Variants in ST7 observed in about 807,000 individuals in gnomAD.
ST7 encodes the protein suppression of tumorigenicity 7.
Under a neutral mutation model 78.7 loss-of-function variants are expected in ST7, and 28 were observed. The observed-to-expected ratio is 0.36, with a 90% CI of 0.26 to 0.49. ST7 has a LOEUF of 0.49. Among genes scored for constraint, ST7 ranks in the 20% least tolerant of loss-of-function variants. The pLI, the probability that ST7 is intolerant of heterozygous loss-of-function variation, is 0.99. For synonymous variants in ST7, 247 were observed against 249.6 expected, an observed-to-expected ratio of 0.99 and a Z score of 0.10; for missense variants, 418 against 696.0, an observed-to-expected ratio of 0.60 and a Z score of 4.49.
chr7:117,204,980 A>G (rs991721547), intron 12 of ST7, among the ~76,000 whole-genome samples: 1 of 152,176 alleles, frequency 6.6e-6, no homozygotes, highest in Non-Finnish European at 1.5e-5. Flanking sequence ...AGGCAGGAGG[A>G]TCGCTTGAGC....
intron 1 of ST7, among the ~76,000 whole-genome samples, chr7:116,985,604 CAT>C (rs770703459): frequency 6.6e-6 from 1 of 152,156 alleles, no homozygotes. Flanking sequence ...AGAGATGAGA[CAT>C]AGTCCCTTCT....
intron 1 of ST7, among the ~76,000 whole-genome samples, chr7:117,083,734 A>G (rs1011038947): frequency 1.2e-4 from 18 of 152,308 alleles, no homozygotes; most frequent in African/African-American, 3.8e-4. Context: ...TATGTAATGA[A>G]GCATATTCTC....
At chr7:117,109,504 A>G (rs1440572724) in intron 2 of ST7, among the ~76,000 whole-genome samples, 3 of 152,192 alleles carry the variant, frequency 2.0e-5, no homozygotes, top group Non-Finnish European at 4.4e-5. Context: ...ACCATCCTAA[A>G]TTAAACTAGG....
At chr7:117,198,888 CCTGT>C (rs1291604788) in intron 12 of ST7, among the ~76,000 whole-genome samples, 2 of 152,106 alleles carry the variant, frequency 1.3e-5, no homozygotes, top group African/African-American at 4.8e-5. Flanking sequence ...CTCATATTTC[CCTGT>C]CTGAGTAATC....
At chr7:117,026,940 A>G (rs1458240676) in intron 1 of ST7, among the ~76,000 whole-genome samples, 2 of 152,216 alleles carry the variant, frequency 1.3e-5, no homozygotes, top group Non-Finnish European at 2.9e-5. Flanking sequence ...TATGAAACTA[A>G]TGAAATGTGA....
At chr7:117,111,365 T>C (rs1212307947) in intron 2 of ST7, among the ~76,000 whole-genome samples, 2 of 152,142 alleles carry the variant, frequency 1.3e-5, no homozygotes, top group East Asian at 3.9e-4. Context: ...AAATTGATTA[T>C]TTGGGGGCCT....
intron 12 of ST7, among the ~76,000 whole-genome samples, chr7:117,201,961 C>CTTTT (rs1278924099): frequency 1.4e-5 from 1 of 70,960 alleles, no homozygotes; most frequent in Non-Finnish European, 2.7e-5. Flanking sequence ...TCGAAGCTAT[C>CTTTT]TTTTTTTTTT....
At chr7:117,055,543 C>T (rs996892480) in intron 1 of ST7, among the ~76,000 whole-genome samples, 3 of 152,154 alleles carry the variant, frequency 2.0e-5, no homozygotes, top group Admixed American at 6.5e-5. Context: ...CTAGATTGTA[C>T]AACTTCTCTT....
At chr7:117,025,849 T>C (rs1382001931) in intron 1 of ST7, among the ~76,000 whole-genome samples, 1 of 152,232 alleles carries the variant, frequency 6.6e-6, no homozygotes, top group African/African-American at 2.4e-5. Context: ...CAAGATAATA[T>C]TTTAAAGTAA....
intron 1 of ST7, among the ~76,000 whole-genome samples, chr7:116,979,662 A>G (rs930944160): frequency 2.0e-5 from 3 of 152,066 alleles, no homozygotes; most frequent in African/African-American, 4.8e-5. Context: ...AACACTTATA[A>G]TCTTATTACA....
chr7:117,129,677 A>C, intron 3 of ST7, 116 bp from the exon 4 acceptor site: 1 of 796,826 alleles, frequency 1.3e-6, no homozygotes, highest in Non-Finnish European at 2.1e-6. Context: ...TTCCCATGTA[A>C]AGGGTAGTGA....
At chr7:117,171,266 G>T (rs376132562) in intron 10 of ST7, among the ~76,000 whole-genome samples, 1 of 151,966 alleles carries the variant, frequency 6.6e-6, no homozygotes, top group Non-Finnish European at 1.5e-5. Flanking sequence ...TTACCTCTGC[G>T]GTCAGGAATC....
intron 10 of ST7, among the ~76,000 whole-genome samples, chr7:117,176,298 C>T (rs553904952): frequency 2.9e-4 from 44 of 152,306 alleles, no homozygotes; most frequent in African/African-American, 1.0e-3. Context: ...ATATCAAGAT[C>T]ATTTTTACTG....
chr7:117,190,635 C>G lies in ST7; in HGVS notation c.1152-199C>G, dbSNP rs61094830. ...ATTTAACTCCTGCCATGACTAGATGCAAGCACGCTTTCTGCTTCTGCTGGG... is the reference window on the plus strand; with the variant it reads ...ATTTAACTCCTGCCATGACTAGATGGAAGCACGCTTTCTGCTTCTGCTGGG... On this transcript the variant is annotated intron_variant, in intron 11 of 15. Transcript: ENST00000323984. The surrounding 1 kb of genome is among the most constrained non-coding windows in gnomAD (Gnocchi z 5.2). Among the ~76,000 whole-genome samples the G allele has an allele frequency of 6.0e-4, 91 of 152,328 alleles. No individual in the cohort carries two copies. The East Asian group carries it at 0.013, about 21-fold the overall frequency.
chr7:117,102,602 T>G (rs1176273147), intron 2 of ST7, among the ~76,000 whole-genome samples: 1 of 152,156 alleles, frequency 6.6e-6, no homozygotes, highest in Non-Finnish European at 1.5e-5. Flanking sequence ...AAAAATATTT[T>G]CATTAGGAGG....
chr7:116,997,927 G>T (rs1383345581), intron 1 of ST7, among the ~76,000 whole-genome samples: 1 of 152,246 alleles, frequency 6.6e-6, no homozygotes, highest in Admixed American at 6.5e-5. Flanking sequence ...AGCCCAGCTG[G>T]CTTCACCTAG....
At chr7:117,091,748 A>G (rs540093920) in intron 1 of ST7, among the ~76,000 whole-genome samples, 3 of 152,266 alleles carry the variant, frequency 2.0e-5, no homozygotes, top group African/African-American at 7.2e-5. Flanking sequence ...AATTTCCGTA[A>G]ATATAGCAGT....
chr7:117,193,913 A>T (rs1380521044), intron 12 of ST7, among the ~76,000 whole-genome samples: 1 of 152,214 alleles, frequency 6.6e-6, no homozygotes, highest in Non-Finnish European at 1.5e-5. Context: ...GCAAAGATAG[A>T]TAGGTAGTAT....
chr7:117,148,562 C>T lies in ST7; in HGVS notation c.963+10030C>T, dbSNP rs536770672. The stretch of plus-strand genomic sequence containing the variant: ...GTGCTGTCTTTCATGTTTTCTATGT[C>T]GTACTTTCTCTCCCATTGAAAATAT... On this transcript the variant is annotated intron_variant, in intron 9 of 15. Coordinates refer to ENST00000323984, the MANE Select transcript of ST7 (RefSeq NM_001369598.1). Among the ~76,000 whole-genome samples the T allele has an allele frequency of 5.3e-5, 8 of 152,160 alleles. No individual in the cohort carries two copies. In the South Asian group the frequency reaches 1.0e-3, roughly 20 times the overall value.
Sources: allele counts gnomAD v4.1 joint callset (sites outside exome capture counted in the v4.1 genomes callset), GRCh38; gene constraint gnomAD v4.1.1; non-coding constraint Gnocchi (gnomAD v3.1); transcripts MANE v1.5; gene names NCBI Gene and HGNC (gene_info 2026-07-23, HGNC 2026-07-21).